The following CNTN4 variants were observed in gnomAD, a reference collection of about 807,000 sequenced individuals.
CNTN4 encodes the protein contactin-4.
Under a neutral mutation model 122.5 loss-of-function variants are expected in CNTN4, and 77 were observed. The ratio of observed to expected loss-of-function variants is 0.63; its 90% CI spans 0.52 to 0.76. The LOEUF (loss-of-function observed/expected upper bound fraction) is 0.76, where lower values mean the gene tolerates loss of function less well. Among genes scored for constraint, CNTN4 ranks in the 30% least tolerant of loss-of-function variants. The probability of loss-of-function intolerance (pLI) is 0.00; values close to 1 mark genes in which losing one functional copy is unlikely to be tolerated. For missense variants in CNTN4, 1,256 were observed against 1,259.1 expected (o/e 1.00, Z 0.04); for synonymous variants, 512 against 447.0 (o/e 1.15, Z -1.83).
At chr3:2,111,055 A>AT (rs1333971703) in intron 2 of CNTN4, among the ~76,000 whole-genome samples, 1 of 152,024 alleles carries the variant, frequency 6.6e-6, no homozygotes, top group Non-Finnish European at 1.5e-5. Flanking sequence ...TTTCTTTTCT[A>AT]TTTTTTTCCA....
chr3:2,277,853 A>G (rs980821292), intron 2 of CNTN4, among the ~76,000 whole-genome samples: 1 of 152,186 alleles, frequency 6.6e-6, no homozygotes, highest in Non-Finnish European at 1.5e-5. Context: ...TATTGAATTT[A>G]TCTGTCAATT....
At chr3:2,346,525 T>C (rs1438104002) in intron 3 of CNTN4, among the ~76,000 whole-genome samples, 3 of 152,174 alleles carry the variant, frequency 2.0e-5, no homozygotes, top group Admixed American at 2.0e-4. Context: ...CTTCTTTTAA[T>C]GGTAAACTCT....
intron 2 of CNTN4, among the ~76,000 whole-genome samples, chr3:2,133,937 T>C (rs572373066): frequency 6.6e-6 from 1 of 152,352 alleles, no homozygotes; most frequent in Non-Finnish European, 1.5e-5. Flanking sequence ...GTATGTCTCC[T>C]ATAAAAGCTA....
chr3:2,824,080 T>G (rs1374615865), intron 7 of CNTN4, among the ~76,000 whole-genome samples: 1 of 151,746 alleles, frequency 6.6e-6, no homozygotes, highest in Admixed American at 6.6e-5. Context: ...GAGGGAAAAT[T>G]GTTAAAACCA....
At chr3:2,366,463 C>T (rs966134878) in intron 3 of CNTN4, among the ~76,000 whole-genome samples, 8 of 152,100 alleles carry the variant, frequency 5.3e-5, no homozygotes, top group African/African-American at 1.4e-4. Flanking sequence ...CGCAGTGGCT[C>T]ACACCTGTAA....
chr3:2,988,359 A>C lies in CNTN4; in HGVS notation c.1373A>C (p.Glu458Ala), dbSNP rs1463437729. 18 of 1,613,640 alleles carry C rather than the reference A, an allele frequency of 1.1e-5. No homozygotes were observed. Among genetic ancestry groups the C allele is most frequent in the Non-Finnish European group, 1.5e-5 (18 of 1,179,758 alleles). Reference protein sequence around the residue: ...LKENERITISEDGNLRIINVT... With the variant: ...LKENERITISADGNLRIINVT... ...TTTGATTTCAGAATTACCATTTCTGAAGATGGAAACCTCAGAATCATCAAC... is the reference window on the plus strand; with the variant it reads ...TTTGATTTCAGAATTACCATTTCTGCAGATGGAAACCTCAGAATCATCAAC... The change falls in exon 14 of 25, where the codon GAA becomes GCA. Residue 458 changes from glutamate to alanine, a missense_variant. By Grantham distance (107) the Glu-to-Ala change is moderately radical (BLOSUM62 -1). Coordinates refer to ENST00000418658, the MANE Select transcript of CNTN4 (RefSeq NM_175607.3).
At chr3:2,377,627 G>C (rs1411025353) in intron 3 of CNTN4, among the ~76,000 whole-genome samples, 1 of 152,196 alleles carries the variant, frequency 6.6e-6, no homozygotes, top group Non-Finnish European at 1.5e-5. Flanking sequence ...CAGTAAAACT[G>C]AAGATACCCG....
At chr3:2,416,082 AT>A (rs1291853658) in intron 3 of CNTN4, among the ~76,000 whole-genome samples, 1 of 152,060 alleles carries the variant, frequency 6.6e-6, no homozygotes, top group African/African-American at 2.4e-5. Flanking sequence ...CTAGTGTGCC[AT>A]GTTCTCACAG....
intron 3 of CNTN4, among the ~76,000 whole-genome samples, chr3:2,570,264 C>G (rs1015534455): frequency 8.6e-5 from 13 of 151,766 alleles, no homozygotes; most frequent in Non-Finnish European, 1.6e-4. Context: ...GCCTCGAACT[C>G]CTGGGTTGAA....
chr3:2,680,649 T>C (rs949860402), intron 4 of CNTN4, among the ~76,000 whole-genome samples: 2 of 152,208 alleles, frequency 1.3e-5, no homozygotes, highest in Non-Finnish European at 2.9e-5. Context: ...AATGATTACA[T>C]GAATTATGTA....
chr3:2,786,084 A>G (rs2091812655), intron 6 of CNTN4, among the ~76,000 whole-genome samples: 1 of 151,962 alleles, frequency 6.6e-6, no homozygotes, highest in Admixed American at 6.6e-5. Context: ...GCCGAACTCC[A>G]GGGGAAGACA....
At chr3:2,309,437 C>T (rs1383153311) in intron 2 of CNTN4, among the ~76,000 whole-genome samples, 2 of 152,070 alleles carry the variant, frequency 1.3e-5, no homozygotes, top group African/African-American at 4.8e-5. Context: ...AATTACAGCG[C>T]TTAATATATT....
At chr3:2,440,765 T>C (rs2048407403) in intron 3 of CNTN4, among the ~76,000 whole-genome samples, 1 of 149,886 alleles carries the variant, frequency 6.7e-6, no homozygotes, top group African/African-American at 2.4e-5. Context: ...TGAATATATA[T>C]ACACACATAT....
chr3:2,910,304 C>T (rs1271752077), intron 12 of CNTN4, among the ~76,000 whole-genome samples: 1 of 152,142 alleles, frequency 6.6e-6, no homozygotes, highest in Non-Finnish European at 1.5e-5. Context: ...AGAATGCAGC[C>T]TAAGGCATCA....
At chr3:2,409,385 C>T (rs1412195659) in intron 3 of CNTN4, among the ~76,000 whole-genome samples, 1 of 151,600 alleles carries the variant, frequency 6.6e-6, no homozygotes, top group Admixed American at 6.6e-5. Context: ...GTAGCTGGGA[C>T]TACAGGCGCC....
At chr3:2,173,736 A>AAAT (rs969488648) in intron 2 of CNTN4, among the ~76,000 whole-genome samples, 33 of 152,308 alleles carry the variant, frequency 2.2e-4, no homozygotes, top group African/African-American at 7.7e-4. Flanking sequence ...TGTTAAATAG[A>AAAT]AATAATAATA....
intron 2 of CNTN4, among the ~76,000 whole-genome samples, chr3:2,122,721 A>T (rs1016356524): frequency 5.9e-5 from 9 of 152,232 alleles, no homozygotes; most frequent in African/African-American, 1.9e-4. Flanking sequence ...TTACATTCTC[A>T]AAACAAGGTT....
chr3:2,678,676 G>A (rs942399504), intron 4 of CNTN4, among the ~76,000 whole-genome samples: 1 of 152,156 alleles, frequency 6.6e-6, no homozygotes, highest in African/African-American at 2.4e-5. Flanking sequence ...TCTTTGCATG[G>A]TTGGTTTATC....
intron 4 of CNTN4, among the ~76,000 whole-genome samples, chr3:2,660,496 G>A (rs180717716): frequency 2.6e-5 from 4 of 152,290 alleles, no homozygotes; most frequent in African/African-American, 7.2e-5. Context: ...TGTTAGACAA[G>A]TTCTGGGTTT....
Sources: allele counts gnomAD v4.1 joint callset (sites outside exome capture counted in the v4.1 genomes callset), GRCh38; gene constraint gnomAD v4.1.1; transcripts MANE v1.5; gene names NCBI Gene and HGNC (gene_info 2026-07-23, HGNC 2026-07-21).